Variants in ROBO2 observed in about 807,000 individuals in gnomAD.
The protein encoded by ROBO2 is roundabout guidance receptor 2.
ROBO2 carries 53 observed loss-of-function variants against 160.8 expected under a neutral mutation model. The ratio of observed to expected loss-of-function variants is 0.33; its 90% CI spans 0.26 to 0.41. The LOEUF (loss-of-function observed/expected upper bound fraction) is 0.41. ROBO2 is among the 10% of genes least tolerant of loss of function. The pLI is 1.00. For missense variants in ROBO2, 1,577 were observed against 1,722.4 expected (o/e 0.92, Z 1.49); for synonymous variants, 664 against 611.7 (o/e 1.09, Z -1.26).
chr3:76,931,722 C>T (rs2077357367), intron 2 of ROBO2, among the ~76,000 whole-genome samples: 1 of 152,064 alleles, frequency 6.6e-6, no homozygotes, highest in East Asian at 1.9e-4. Context: ...CACTCTGTCA[C>T]TCAAGCTGGA....
intron 2 of ROBO2, among the ~76,000 whole-genome samples, chr3:76,521,198 G>A (rs143174267): frequency 2.7e-3 from 406 of 152,034 alleles, no homozygotes; most frequent in Non-Finnish European, 4.4e-3. Flanking sequence ...ACAGGCATGC[G>A]TCACCACGCT....
At chr3:77,436,249 T>C (rs895981959) in intron 2 of ROBO2, among the ~76,000 whole-genome samples, 6 of 151,702 alleles carry the variant, frequency 4.0e-5, no homozygotes, top group African/African-American at 1.4e-4. Context: ...CACAAAGTAG[T>C]AATTAATCAG....
exon 26 of ROBO2, chr3:77,647,174 C>T (rs1365540977): frequency 6.6e-6 from 1 of 152,366 alleles, no homozygotes; most frequent in Non-Finnish European, 1.5e-5. Flanking sequence ...GTACAGTGCA[C>T]ACTAGAGGAT....
chr3:76,153,362 T>C (rs956077111), intron 2 of ROBO2, among the ~76,000 whole-genome samples: 1 of 152,196 alleles, frequency 6.6e-6, no homozygotes, highest in Admixed American at 6.5e-5. Context: ...AAATGACTTA[T>C]GTTTGACTTC....
At chr3:76,138,415 A>G (rs992019695) in intron 2 of ROBO2, among the ~76,000 whole-genome samples, 15 of 152,176 alleles carry the variant, frequency 9.9e-5, no homozygotes, top group Non-Finnish European at 1.8e-4. Context: ...TGCTCACCAT[A>G]TAAATGCAAA....
intron 2 of ROBO2, among the ~76,000 whole-genome samples, chr3:76,267,387 A>T (rs1017433828): frequency 7.2e-4 from 109 of 152,128 alleles, no homozygotes; most frequent in Non-Finnish European, 4.0e-4. Context: ...TTGGGCCCTT[A>T]TTACATTTCA....
At chr3:76,333,849 G>A (rs760190140) in intron 2 of ROBO2, among the ~76,000 whole-genome samples, 15 of 152,166 alleles carry the variant, frequency 9.9e-5, no homozygotes, top group Non-Finnish European at 2.1e-4. Context: ...GTAGGGACAT[G>A]GATGAAGCTG....
chr3:77,252,809 A>AAAAAAAAAAG (rs1298699883), intron 2 of ROBO2, among the ~76,000 whole-genome samples: 2 of 41,290 alleles, frequency 4.8e-5, no homozygotes, highest in African/African-American at 1.3e-4. Context: ...CTCCATCTCA[A>AAAAAAAAAAG]AAAAAAAAAA....
At chr3:76,936,049 A>G (rs921255922) in intron 2 of ROBO2, among the ~76,000 whole-genome samples, 9 of 152,152 alleles carry the variant, frequency 5.9e-5, no homozygotes, top group Admixed American at 3.9e-4. Flanking sequence ...TCTCTCATGA[A>G]GAGACTGGGG....
intron 2 of ROBO2, among the ~76,000 whole-genome samples, chr3:76,258,901 CA>C (rs1706566568): frequency 6.6e-6 from 1 of 151,990 alleles, no homozygotes; most frequent in African/African-American, 2.4e-5. Flanking sequence ...TGGAATTTTT[CA>C]GCAATGACTA....
intron 2 of ROBO2, among the ~76,000 whole-genome samples, chr3:77,392,572 G>A (rs114520536): frequency 4.6e-5 from 7 of 152,076 alleles, no homozygotes; most frequent in Admixed American, 6.6e-5. Flanking sequence ...ATTTGCAATT[G>A]CAGTAATAAA....
At chr3:77,253,814 A>G (rs549819638) in intron 2 of ROBO2, among the ~76,000 whole-genome samples, 7 of 152,330 alleles carry the variant, frequency 4.6e-5, no homozygotes, top group Admixed American at 1.3e-4. Flanking sequence ...TCATACCACT[A>G]GAAATAGAGG....
chr3:77,239,258 T>C (rs1260971167), intron 2 of ROBO2, among the ~76,000 whole-genome samples: 2 of 152,090 alleles, frequency 1.3e-5, no homozygotes, highest in African/African-American at 4.8e-5. Context: ...ACTTCAGGAG[T>C]GAAGCTGCAG....
rs116156920 is a variant in ROBO2, at chr3:76,663,639, A to T, written c.110-434375A>T. Among the ~76,000 whole-genome samples the T allele has an allele frequency of 4.6e-3, 702 of 152,288 alleles. 3 individuals carry two copies. Among genetic ancestry groups the T allele is most frequent in the African/African-American group, 0.016 (660 of 41,560 alleles). ...CCAGAGATGCAGAGAGAAATTAGTC[A>T]TTCGTTATGATGCTAATTGGAAGAA... On this transcript the variant is annotated intron_variant, in intron 2 of 26. Transcript: ENST00000487694.
intron 2 of ROBO2, among the ~76,000 whole-genome samples, chr3:76,070,384 A>G (rs6774309): frequency 0.025 from 3,815 of 152,056 alleles, 160 homozygotes; most frequent in African/African-American, 0.086. Flanking sequence ...GATGAAATGG[A>G]CTCCAGTCTC....
chr3:76,617,670 T>C (rs1419341623), intron 2 of ROBO2, among the ~76,000 whole-genome samples: 1 of 152,136 alleles, frequency 6.6e-6, no homozygotes, highest in Non-Finnish European at 1.5e-5. Context: ...TTCTATTCCA[T>C]TTGGTGAATG....
At chr3:76,118,131 C>T (rs555494987) in intron 2 of ROBO2, among the ~76,000 whole-genome samples, 59 of 151,878 alleles carry the variant, frequency 3.9e-4, no homozygotes, top group Non-Finnish European at 5.7e-4. Flanking sequence ...TACCCTAGAA[C>T]TTAAAGTATA....
chr3:76,798,075 A>G (rs143102384), intron 2 of ROBO2, among the ~76,000 whole-genome samples: 418 of 150,774 alleles, frequency 2.8e-3, no homozygotes, highest in Non-Finnish European at 4.7e-3. Flanking sequence ...TATTACCCTG[A>G]TACCAAAAAC....
chr3:77,437,458 T>C lies in ROBO2; in HGVS notation c.389-39956T>C, dbSNP rs181491875. ...AAACTGTGGATTTAAATAGAAATAG[T>C]GATTATTATTACATTATAGATAATA... On this transcript the variant is annotated intron_variant, in intron 2 of 25. Coordinates refer to ENST00000461745, the Ensembl canonical transcript of ROBO2. 5.3e-3 allele frequency among the ~76,000 whole-genome samples: 799 copies of C among 152,102 alleles called. 4 individuals are homozygous for C. Among genetic ancestry groups the C allele is most frequent in the Non-Finnish European group, 7.5e-3 (510 of 67,870 alleles).
Sources: allele counts gnomAD v4.1 joint callset (sites outside exome capture counted in the v4.1 genomes callset), GRCh38; gene constraint gnomAD v4.1.1; transcripts MANE v1.5; gene names NCBI Gene and HGNC (gene_info 2026-07-23, HGNC 2026-07-21).